Variants in MRTFB observed in about 807,000 individuals in gnomAD.
The protein encoded by MRTFB is myocardin related transcription factor B.
Under a neutral mutation model 104.2 loss-of-function variants are expected in MRTFB, and 29 were observed. The ratio of observed to expected loss-of-function variants is 0.28; its 90% CI spans 0.21 to 0.38. The LOEUF (loss-of-function observed/expected upper bound fraction) is 0.38. MRTFB is among the 10% of genes least tolerant of loss of function. The probability of loss-of-function intolerance (pLI) is 1.00; values close to 1 mark genes in which losing one functional copy is unlikely to be tolerated. For synonymous variants in MRTFB, 535 were observed against 519.5 expected (o/e 1.03, Z -0.41); for missense variants, 1,270 against 1,341.6 (o/e 0.95, Z 0.83).
chr16:14,249,204 TC>T, intron 13 of MRTFB, 123 bp downstream of exon 13: 1 of 1,157,760 alleles, frequency 8.6e-7, no homozygotes, highest in East Asian at 2.6e-5. Context: ...GTGATCCATC[TC>T]CCATAGAATG....
At chr16:14,009,392 G>A in the MRTFB span, 3 of 152,220 alleles carry the variant, frequency 2.0e-5, no homozygotes, top group South Asian at 2.1e-4. Context: ...AACTTGTTTA[G>A]TCATTCAAAT....
chr16:13,998,871 C>CA, the MRTFB span, among the ~76,000 whole-genome samples: 866 of 29,678 alleles, frequency 0.029, 326 homozygotes, highest in Non-Finnish European at 0.054. Context: ...GACTCTGTTT[C>CA]AAAAAAAAAA....
rs1252189196 is a variant in MRTFB at position 14,262,040 on chromosome 16, T to A, written c.*596T>A. 6.6e-6 allele frequency: 1 copy of A among 152,396 alleles called. No individual in the cohort carries two copies. Among genetic ancestry groups the A allele is most frequent in the South Asian group, 2.1e-4 (1 of 4,830 alleles). 9.4% of individuals were successfully genotyped at this position (152,396 alleles called of 1,614,324 possible). On this transcript the variant is annotated 3_prime_UTR_variant, in exon 17 of 17. Transcript: ENST00000571589. ...GTGTCGTTTTTTTGGTGTTGTAGTT[T>A]ATTTTGTGATTTTTTGGAATCGTAC...
intron 8 of MRTFB, among the ~76,000 whole-genome samples, chr16:14,223,703 CAGAGACTTA>C (rs2041853884): frequency 2.0e-5 from 3 of 152,080 alleles, no homozygotes; most frequent in South Asian, 2.1e-4. Flanking sequence ...GAAAAGTGAA[CAGAGACTTA>C]AGAGACTTAT....
At chr16:14,220,554 C>G (rs141664218) in intron 8 of MRTFB, among the ~76,000 whole-genome samples, 192 of 152,302 alleles carry the variant, frequency 1.3e-3, no homozygotes, top group African/African-American at 4.2e-3. Flanking sequence ...GACGCTTTAA[C>G]AAGAGGCATT....
chr16:14,132,831 G>A (rs2037506933), intron 2 of MRTFB, among the ~76,000 whole-genome samples: 1 of 152,168 alleles, frequency 6.6e-6, no homozygotes, highest in Non-Finnish European at 1.5e-5. Flanking sequence ...TTATGGCCAG[G>A]AGGTGTGCTA....
Position 14,264,074 on chromosome 16 carries a change from A to C in MRTFB, c.*2630A>C, listed in dbSNP as rs2043866664. On this transcript the variant is annotated 3_prime_UTR_variant, in exon 17 of 17. Transcript: ENST00000571589. ...ATGAGGAAGGGTGGATATTGACTAAAGACTGGTTGTTGTTGTTGTTTAGGT... is the reference window on the plus strand; with the variant it reads ...ATGAGGAAGGGTGGATATTGACTAACGACTGGTTGTTGTTGTTGTTTAGGT... The C allele has an allele frequency of 6.6e-6, 1 of 152,240 alleles. No individual in the cohort carries two copies. The highest frequency in any genetic ancestry group is 6.5e-5 in the Admixed American group (1 of 15,282). 9.4% of individuals were successfully genotyped at this position (152,240 alleles called of 1,614,324 possible). A position where few individuals can be genotyped will look rare whatever the true frequency, so the allele number is the denominator to read the frequency against.
At chr16:14,250,939 G>A (rs1483038120) in intron 13 of MRTFB, among the ~76,000 whole-genome samples, 1 of 152,174 alleles carries the variant, frequency 6.6e-6, no homozygotes, top group Admixed American at 6.5e-5. Flanking sequence ...GAGGCAGGGG[G>A]TAATGGGAAA....
At position 14,140,527 on chromosome 16, in the gene MRTFB, ATTCT is replaced by A; in HGVS notation, c.-63-14_-63-11del. ...ACATAACTGCACCATCTCTTTACAC[ATTCT>A]TTATTTTGGCAGTGTCTTCAATAGG... On this transcript the variant is annotated splice_polypyrimidine_tract_variant and intron_variant, in intron 2 of 16. Transcript: ENST00000571589. The A allele has an allele frequency of 6.5e-7, 1 of 1,534,096 alleles. No individual in the cohort carries two copies. Among genetic ancestry groups the A allele is most frequent in the Non-Finnish European group, 8.9e-7 (1 of 1,121,838 alleles).
chr16:14,053,416 T>C, the MRTFB span, among the ~76,000 whole-genome samples: 1 of 152,012 alleles, frequency 6.6e-6, no homozygotes, highest in South Asian at 2.1e-4. Flanking sequence ...AGTGAGACCT[T>C]GACTCTACAA....
intron 10 of MRTFB, among the ~76,000 whole-genome samples, chr16:14,241,674 C>G (rs377516538): frequency 1.3e-5 from 2 of 152,180 alleles, no homozygotes; most frequent in Admixed American, 6.5e-5. Context: ...TCTTTTCCCT[C>G]TTAAGATTCA....
At chr16:14,069,537 G>A (rs932867658), upstream of MRTFB, among the ~76,000 whole-genome samples, 2 of 152,170 alleles carry the variant, frequency 1.3e-5, no homozygotes, top group African/African-American at 4.8e-5. Context: ...CCAGACTGGA[G>A]GGCAGTGGCA....
the MRTFB span, among the ~76,000 whole-genome samples, chr16:14,037,742 G>T: frequency 3.3e-5 from 5 of 152,270 alleles, no homozygotes; most frequent in Admixed American, 6.5e-5. Context: ...GGCAGAGAAG[G>T]CTGAGGGCAG....
chr16:14,220,098 AG>A (rs2041618308), intron 8 of MRTFB, among the ~76,000 whole-genome samples: 1 of 152,206 alleles, frequency 6.6e-6, no homozygotes, highest in Non-Finnish European at 1.5e-5. Context: ...CCAAGTTCAC[AG>A]GGCAGGGGTG....
At chr16:14,174,515 T>C (rs545546898) in intron 3 of MRTFB, among the ~76,000 whole-genome samples, 29 of 152,150 alleles carry the variant, frequency 1.9e-4, no homozygotes, top group African/African-American at 7.0e-4. Flanking sequence ...AAACCCCGCC[T>C]CTACTAAAAA....
chr16:14,080,098 A>G (rs939011947), intron 2 of MRTFB, among the ~76,000 whole-genome samples: 1 of 152,142 alleles, frequency 6.6e-6, no homozygotes, highest in Non-Finnish European at 1.5e-5. Flanking sequence ...AGATTGTTCT[A>G]GTTTTCCCTT....
chr16:14,129,181 A>G (rs190914140), intron 2 of MRTFB, among the ~76,000 whole-genome samples: 2 of 152,342 alleles, frequency 1.3e-5, no homozygotes, highest in East Asian at 3.9e-4. Flanking sequence ...GGTAGTTTCC[A>G]GTTTGGGACA....
rs1462517555 is a variant in MRTFB, at chr16:14,094,021, A to G, written c.-64+14667A>G. On this transcript the variant is annotated intron_variant, in intron 2 of 16. Coordinates refer to ENST00000571589, the MANE Select transcript of MRTFB (RefSeq NM_001308142.2). ...CTTTGCTAATTAAGTCTTCAAAGGT[A>G]GTGTCATTCAAAGTGGAGAAAAAAG... 4.6e-5 allele frequency among the ~76,000 whole-genome samples: 7 copies of G among 152,244 alleles called. No homozygotes were observed. The East Asian group carries it at 1.3e-3, about 29-fold the overall frequency.
At chr16:14,168,914 T>C (rs1409548440) in intron 3 of MRTFB, among the ~76,000 whole-genome samples, 2 of 152,234 alleles carry the variant, frequency 1.3e-5, no homozygotes, top group East Asian at 3.8e-4. Context: ...TGTTGATATC[T>C]CATTGAAGTT....
Sources: gnomAD v4.1 joint callset for allele counts (sites outside exome capture counted in the v4.1 genomes callset) on GRCh38, gnomAD v4.1.1 for gene constraint, MANE v1.5 for transcripts, NCBI Gene and HGNC (gene_info 2026-07-23, HGNC 2026-07-21) for gene names.